The following HEPH variants were observed in gnomAD, a reference collection of about 807,000 sequenced individuals.
HEPH encodes the protein hephaestin.
In HEPH, 69 loss-of-function variants were observed where a neutral mutation model predicts 80.8. That is an observed-to-expected ratio of 0.85 (90% confidence interval 0.70 to 1.04). The LOEUF (loss-of-function observed/expected upper bound fraction) is 1.04. HEPH is among the 50% of genes least tolerant of loss of function. The pLI is 0.00. For missense variants in HEPH, 1,115 were observed against 891.3 expected (o/e 1.25, Z -3.20); for synonymous variants, 431 against 322.8 (o/e 1.34, Z -3.60).
chrX:66,244,856 G>C (rs1220666510), intron 15 of HEPH, among the ~76,000 whole-genome samples: 1 of 107,612 alleles, frequency 9.3e-6, no homozygotes, highest in Non-Finnish European at 1.9e-5. Context: ...TGATTCCCTT[G>C]GGGATTTGAT....
chrX:66,207,083 T>G (rs2088823614), intron 13 of HEPH, 112 bp from the exon 14 acceptor site: 1 of 560,387 alleles, frequency 1.8e-6, no homozygotes, highest in Non-Finnish European at 2.6e-6. Context: ...CCCCCCTTTT[T>G]TTTTTCTGTC....
rs760471065 is a variant in HEPH at position 66,219,467 on chromosome X, T to C, written c.2563+11221T>C. ...TCGAGAGCCAATCTATTTTGATAGA[T>C]AGCATTTCTCATCTGAGTTTCTTGC... On this transcript the variant is annotated intron_variant, in intron 15 of 20. Coordinates refer to ENST00000343002, the MANE Select transcript of HEPH (RefSeq NM_001367233.3). 1.4e-4 allele frequency among the ~76,000 whole-genome samples: 16 copies of C among 112,227 alleles called. No individual in the cohort carries two copies. In the South Asian group the frequency reaches 4.1e-3, roughly 29 times the overall value.
At position 66,172,720 on chromosome X, in the gene HEPH, C is replaced by T. The variant is rs936061723; in HGVS notation, c.412+121C>T. 7 of 754,077 alleles carry T rather than the reference C, an allele frequency of 9.3e-6. 1 individual carries two copies. The highest frequency in any genetic ancestry group is 8.5e-5 in the African/African-American group (4 of 46,792). 62.1% of individuals were successfully genotyped at this position (754,077 alleles called of 1,213,427 possible). A position where few individuals can be genotyped will look rare whatever the true frequency, so the allele number is the denominator to read the frequency against. On this transcript the variant is annotated intron_variant, in intron 3 of 20. Coordinates refer to ENST00000343002, the MANE Select transcript of HEPH (RefSeq NM_001367233.3). ...TTTTCTTCCTATTTATCTGAGGTGG[C>T]AAAGACTCTCCTCAGAGTAAACAAG...
chrX:66,194,114 C>T (rs766254898), intron 8 of HEPH, among the ~76,000 whole-genome samples: 2 of 111,306 alleles, frequency 1.8e-5, no homozygotes, highest in South Asian at 3.8e-4. Flanking sequence ...AAGAAGGTAT[C>T]TAGAAGGGCT....
At chrX:66,259,853 C>A (rs958325762) in intron 18 of HEPH, among the ~76,000 whole-genome samples, 18 of 109,095 alleles carry the variant, frequency 1.6e-4, no homozygotes, top group African/African-American at 6.0e-4. Flanking sequence ...GGACTACAAG[C>A]GCCTGCTACC....
At chrX:66,215,602 C>T (rs769412804) in intron 15 of HEPH, among the ~76,000 whole-genome samples, 24 of 111,796 alleles carry the variant, frequency 2.1e-4, no homozygotes, top group Middle Eastern at 9.1e-3. Context: ...AAACCATCTT[C>T]GGGGTGGAGG....
At chrX:66,218,866 CA>C (rs763725788) in intron 15 of HEPH, among the ~76,000 whole-genome samples, 1 of 112,047 alleles carries the variant, frequency 8.9e-6, no homozygotes, top group East Asian at 2.8e-4. Context: ...CTGATTAGGT[CA>C]GGGGTCAATC....
At chrX:66,206,937 A>T in intron 13 of HEPH, among the ~76,000 whole-genome samples, 1 of 110,007 alleles carries the variant, frequency 9.1e-6, no homozygotes, top group Non-Finnish European at 1.9e-5. Context: ...TAATCGCTTG[A>T]ACTCGGAAGG....
chrX:66,179,127 G>T (rs1050765162), intron 4 of HEPH, among the ~76,000 whole-genome samples: 1 of 111,964 alleles, frequency 8.9e-6, no homozygotes, highest in Non-Finnish European at 1.9e-5. Context: ...TTTGTATAAG[G>T]TGTAAGGAAG....
At chrX:66,255,813 G>A (rs780272522) in intron 16 of HEPH, among the ~76,000 whole-genome samples, 40 of 111,516 alleles carry the variant, frequency 3.6e-4, no homozygotes, top group African/African-American at 1.2e-3. Context: ...ATTGCAGGCA[G>A]AGGAAACAGC....
intron 9 of HEPH, 24 bp from the exon 10 acceptor site, chrX:66,197,659 A>G (rs1203737757): frequency 6.1e-6 from 7 of 1,148,381 alleles, no homozygotes; most frequent in South Asian, 5.4e-5. Context: ...AATCTAAGTA[A>G]TGAGTCCCAT....
At chrX:66,200,399 G>C in intron 11 of HEPH, 141 bp from the exon 12 acceptor site, 1 of 470,334 alleles carries the variant, frequency 2.1e-6, no homozygotes, top group Admixed American at 3.9e-5. Flanking sequence ...GTGGCATAGA[G>C]AGGAAGGCAG....
intron 20 of HEPH, among the ~76,000 whole-genome samples, chrX:66,263,999 C>A (rs1398533633): frequency 9.1e-6 from 1 of 110,298 alleles, no homozygotes; most frequent in Non-Finnish European, 1.9e-5. Context: ...AGATACTAGT[C>A]GAAAACCAAA....
chrX:66,191,443 A>T (rs992647374), intron 6 of HEPH, among the ~76,000 whole-genome samples: 1 of 112,199 alleles, frequency 8.9e-6, no homozygotes, highest in African/African-American at 3.2e-5. Context: ...TACAAATTTC[A>T]AATCTCCCTG....
chrX:66,165,183 G>A (rs2086301107), intron 1 of HEPH, among the ~76,000 whole-genome samples: 2 of 111,693 alleles, frequency 1.8e-5, no homozygotes, highest in Non-Finnish European at 3.8e-5. Context: ...AATATCCATG[G>A]TTTTATTTGG....
At chrX:66,173,506 A>G in intron 3 of HEPH, 83 bp from the exon 4 acceptor site, 1 of 656,473 alleles carries the variant, frequency 1.5e-6, no homozygotes, top group South Asian at 2.8e-5. Context: ...CTAGGGTTCT[A>G]CATGTCAGCT....
intron 15 of HEPH, among the ~76,000 whole-genome samples, chrX:66,228,736 AAAG>A (rs1401328845): frequency 8.9e-6 from 1 of 112,436 alleles, no homozygotes; most frequent in African/African-American, 3.2e-5. Flanking sequence ...ACAATTCTCA[AAAG>A]AAGATATACA....
At chrX:66,226,285 G>T (rs2089886861) in intron 15 of HEPH, among the ~76,000 whole-genome samples, 1 of 111,280 alleles carries the variant, frequency 9.0e-6, no homozygotes, top group Non-Finnish European at 1.9e-5. Context: ...CAATATGAGG[G>T]GTGGTCTCCT....
At chrX:66,252,365 C>G (rs549818784) in intron 15 of HEPH, among the ~76,000 whole-genome samples, 14 of 111,437 alleles carry the variant, frequency 1.3e-4, no homozygotes, top group Middle Eastern at 4.6e-3. Context: ...GAGAGAAGTT[C>G]ATGTAAACAG....
Sources: allele counts gnomAD v4.1 joint callset (sites outside exome capture counted in the v4.1 genomes callset), GRCh38; gene constraint gnomAD v4.1.1; transcripts MANE v1.5; gene names NCBI Gene and HGNC (gene_info 2026-07-23, HGNC 2026-07-21).